Variants in PDPK1 observed in about 807,000 individuals in gnomAD.
PDPK1 encodes 3-phosphoinositide-dependent protein kinase 1.
A neutral mutation model predicts 39.8 loss-of-function variants in PDPK1; 7 were observed. That is an observed-to-expected ratio of 0.18 (90% CI 0.10 to 0.33). PDPK1 has a LOEUF of 0.33. Among genes scored for constraint, PDPK1 ranks in the 10% least tolerant of loss-of-function variants. The pLI is 1.00. For synonymous variants in PDPK1, 118 were observed against 159.1 expected (o/e 0.74, Z 1.95); for missense variants, 182 against 384.7 (o/e 0.47, Z 4.41).
chr16:2,593,302 C>T lies in PDPK1; in HGVS notation c.1344-2491C>T, dbSNP rs956186349. On this transcript the variant is annotated intron_variant, in intron 11 of 13. Transcript: ENST00000342085. This position sits in a 1 kb window ranked among gnomAD's most constrained non-coding sequence, Gnocchi z 4.2. The stretch of plus-strand genomic sequence containing the variant: ...GTTTTCTGTTGGGTTCCAAGCCTCT[C>T]GTGGCACTGTGAATTTGCTGTGGGG... The T allele has an allele frequency of 4.6e-5, 16 of 351,562 alleles. No homozygotes were observed. Among genetic ancestry groups the T allele is most frequent in the South Asian group, 1.1e-4 (5 of 45,984 alleles). 21.8% of individuals were successfully genotyped at this position (351,562 alleles called of 1,614,324 possible). A position where few individuals can be genotyped will look rare whatever the true frequency, so the allele number is the denominator to read the frequency against.
chr16:2,601,110 A>T lies in PDPK1; in HGVS notation c.*3343A>T, dbSNP rs1001413615. ...TATCTTTAAAATCTTCTGATTTCTT[A>T]CTTTTTTCCCCCTTAGATGCCTGGA... On this transcript the variant is annotated 3_prime_UTR_variant, in exon 14 of 14. Transcript: ENST00000342085. The T allele has an allele frequency of 3.4e-5, 8 of 232,734 alleles. No homozygotes were observed. The highest frequency in any genetic ancestry group is 4.2e-5 in the Non-Finnish European group (5 of 117,934). 14.4% of individuals were successfully genotyped at this position (232,734 alleles called of 1,614,324 possible). A position where few individuals can be genotyped will look rare whatever the true frequency, so the allele number is the denominator to read the frequency against.
At position 2,593,677 on chromosome 16, in the gene PDPK1, T is replaced by C. The variant is rs891510059; in HGVS notation, c.1344-2116T>C. The C allele has an allele frequency of 6.5e-6, 1 of 154,376 alleles. No homozygotes were observed. The highest frequency in any genetic ancestry group is 1.4e-5 in the Non-Finnish European group (1 of 69,642). The allele number at this position is 154,376 out of a possible 1,614,324, so 9.6% of individuals were successfully genotyped here. A position where few individuals can be genotyped will look rare whatever the true frequency, so the allele number is the denominator to read the frequency against. ...TGCAAGAGCTCTGACTGGCCTGGGC[T>C]CAAAGGGACCCTGTGCCTCCCACGC... On this transcript the variant is annotated intron_variant, in intron 11 of 13. Coordinates refer to ENST00000342085, the MANE Select transcript of PDPK1 (RefSeq NM_002613.5). The surrounding 1 kb of genome is among the most constrained non-coding windows in gnomAD (Gnocchi z 4.2).
At position 2,601,577 on chromosome 16, in the gene PDPK1, T is replaced by G; in HGVS notation, c.*3810T>G. 4.3e-6 allele frequency: 1 copy of G among 234,404 alleles called. No individual in the cohort carries two copies. Among genetic ancestry groups the G allele is most frequent in the Non-Finnish European group, 8.5e-6 (1 of 117,812 alleles). The allele number at this position is 234,404 out of a possible 1,614,324, so 14.5% of individuals were successfully genotyped here. ...CACATGCTTAGTGAGTGATTTGTAATTAAGTTTATAGACTCAGAAGGTATA... is the reference window on the plus strand; with the variant it reads ...CACATGCTTAGTGAGTGATTTGTAAGTAAGTTTATAGACTCAGAAGGTATA... On this transcript the variant is annotated 3_prime_UTR_variant, in exon 14 of 14. Transcript: ENST00000342085.
rs146388630 is a variant in PDPK1 at position 2,557,960 on chromosome 16, C to T, written c.282C>T (p.Ser94=). The T allele has an allele frequency of 1.2e-6, 2 of 1,612,442 alleles. No individual in the cohort carries two copies. The highest frequency in any genetic ancestry group is 2.7e-5 in the African/African-American group (2 of 74,740). The change falls in exon 2 of 14, where the codon TCC becomes TCT. Residue 94 remains serine (S), a synonymous_variant. Transcript: ENST00000342085. ...FGKILGEGSF[S]TVVLARELAT... The stretch of plus-strand genomic sequence containing the variant: ...AAATCCTTGGGGAAGGCTCTTTTTC[C>T]ACGGTGAGTATTTGCTGCTGCTGTG...
intron 11 of PDPK1, among the ~76,000 whole-genome samples, chr16:2,589,251 A>C (rs1328731834): frequency 6.6e-6 from 1 of 152,158 alleles, no homozygotes; most frequent in Non-Finnish European, 1.5e-5. Context: ...CCACCGCGCC[A>C]GCCAATGTAT....
At position 2,538,099 on chromosome 16, in the gene PDPK1, C is replaced by G; in HGVS notation, c.-14C>G. On this transcript the variant is annotated 5_prime_UTR_variant, in exon 1 of 14. Coordinates refer to ENST00000342085, the MANE Select transcript of PDPK1 (RefSeq NM_002613.5). ...CAGCGCTGCGGGGGAGGCGCCCGCG[C>G]CGACGCGGGGCCCATGGCCAGGACC... 1 of 1,059,046 alleles carries G rather than the reference C, an allele frequency of 9.4e-7. No homozygotes were observed. The highest frequency in any genetic ancestry group is 1.1e-6 in the Non-Finnish European group (1 of 876,022). 65.6% of individuals were successfully genotyped at this position (1,059,046 alleles called of 1,614,324 possible).
intron 1 of PDPK1, among the ~76,000 whole-genome samples, chr16:2,552,282 T>C (rs2141952291): frequency 6.7e-6 from 1 of 150,362 alleles, no homozygotes. Context: ...TGGTTTCTAC[T>C]TCTAAGAGAT....
At position 2,599,040 on chromosome 16, in the gene PDPK1, G is replaced by A. The variant is rs141692563; in HGVS notation, c.*1273G>A. The A allele has an allele frequency of 1.0e-3, 235 of 233,432 alleles. No homozygotes were observed. The highest frequency in any genetic ancestry group is 4.0e-3 in the African/African-American group (181 of 45,462). 14.5% of individuals were successfully genotyped at this position (233,432 alleles called of 1,614,324 possible). On this transcript the variant is annotated 3_prime_UTR_variant, in exon 14 of 14. Coordinates refer to ENST00000342085, the MANE Select transcript of PDPK1 (RefSeq NM_002613.5). Reference sequence around the variant, plus strand: ...GGTCGGCTTTCCTCTAGAGAGAGCCGGTTTTGGGGCCATTTCCCTTTGATG... The same window carrying A: ...GGTCGGCTTTCCTCTAGAGAGAGCCAGTTTTGGGGCCATTTCCCTTTGATG...
rs571703734 is a variant in PDPK1 at position 2,595,920 on chromosome 16, G to T, written c.1401+70G>T. On this transcript the variant is annotated intron_variant, in intron 12 of 13. Coordinates refer to ENST00000342085, the MANE Select transcript of PDPK1 (RefSeq NM_002613.5). ...TTCCCCGACTCCAGCTTAGGGGAGGGCAGCTTGGTGGCGTGGAATCCTTCC... is the reference window on the plus strand; with the variant it reads ...TTCCCCGACTCCAGCTTAGGGGAGGTCAGCTTGGTGGCGTGGAATCCTTCC... The T allele has an allele frequency of 2.6e-6, 3 of 1,135,750 alleles. No individual in the cohort carries two copies. The East Asian group carries it at 7.0e-5, about 27-fold the overall frequency. 70.4% of individuals were successfully genotyped at this position (1,135,750 alleles called of 1,614,324 possible).
chr16:2,573,753 A>G lies in PDPK1; in HGVS notation c.710-3672A>G, dbSNP rs375313121. Among the ~76,000 whole-genome samples the G allele has an allele frequency of 2.1e-4, 29 of 138,796 alleles. No homozygotes were observed. The East Asian group carries it at 4.5e-3, about 21-fold the overall frequency. The allele number at this position is 138,796 out of a possible 152,430, so 91.1% of individuals were successfully genotyped here. On this transcript the variant is annotated intron_variant, in intron 6 of 13. Transcript: ENST00000342085. ...TCTCGGGAAGAAAAAAAAAAAAAATAGAATTGTGAATTTTCTTCCCTTTTT... is the reference window on the plus strand; with the variant it reads ...TCTCGGGAAGAAAAAAAAAAAAAATGGAATTGTGAATTTTCTTCCCTTTTT...
At position 2,597,764 on chromosome 16, in the gene PDPK1, G is replaced by T. The variant is rs770386112; in HGVS notation, c.1668G>T (p.Gln556His). Reference protein sequence around the residue: ...RYQSHPDAAVQ With the variant: ...RYQSHPDAAVH Reference sequence around the variant, plus strand: ...AGAGCCACCCGGACGCCGCTGTGCAGTGACGTGGCCTGCGGCCGGGCTGCC... The same window carrying T: ...AGAGCCACCCGGACGCCGCTGTGCATTGACGTGGCCTGCGGCCGGGCTGCC... Residue 556 changes from glutamine (Q) to histidine (H), a missense_variant, in exon 14 of 14, where the codon CAG becomes CAT. This residue lies in a region of PDPK1 where 67 missense variants were observed against 87.8 expected (regional missense o/e 0.76). Transcript: ENST00000342085. The surrounding 1 kb of genome is among the most constrained non-coding windows in gnomAD (Gnocchi z 6.3). 6.2e-7 allele frequency: 1 copy of T among 1,607,998 alleles called. No homozygotes were observed. Among genetic ancestry groups the T allele is most frequent in the East Asian group, 2.2e-5 (1 of 44,854 alleles).
In PDPK1 at chr16:2,593,159, A is replaced by AT. The variant is rs1201899386; in HGVS notation, c.1344-2633dup. ...ACTCCTGCACGCCCGTGCCTGTGGC[A>AT]TGCCCAGATGATCAGGGTGGAGCGG... On this transcript the variant is annotated intron_variant, in intron 11 of 13. Coordinates refer to ENST00000342085, the MANE Select transcript of PDPK1 (RefSeq NM_002613.5). This position sits in a 1 kb window ranked among gnomAD's most constrained non-coding sequence, Gnocchi z 4.2. 2.2e-6 allele frequency: 1 copy of AT among 453,006 alleles called. No individual in the cohort carries two copies. Among genetic ancestry groups the AT allele is most frequent in the Non-Finnish European group, 4.4e-6 (1 of 226,220 alleles). 28.1% of individuals were successfully genotyped at this position (453,006 alleles called of 1,614,324 possible). A position where few individuals can be genotyped will look rare whatever the true frequency, so the allele number is the denominator to read the frequency against.
chr16:2,586,521 C>G (rs1164279084), intron 10 of PDPK1, among the ~76,000 whole-genome samples, 155 bp from the exon 11 acceptor site: 4 of 152,264 alleles, frequency 2.6e-5, no homozygotes, highest in African/African-American at 9.6e-5. Context: ...GCCAGGTGTC[C>G]CATGGAGGAG....
chr16:2,539,997 T>C (rs555434743), intron 1 of PDPK1, among the ~76,000 whole-genome samples: 5 of 152,342 alleles, frequency 3.3e-5, no homozygotes, highest in East Asian at 1.9e-4. Flanking sequence ...GATTTCCACA[T>C]GAGGAAGTGT....
At position 2,597,620 on chromosome 16, in the gene PDPK1, G is replaced by T. The variant is rs1488681215; in HGVS notation, c.1555-31G>T. On this transcript the variant is annotated intron_variant, in intron 13 of 13. Coordinates refer to ENST00000342085, the MANE Select transcript of PDPK1 (RefSeq NM_002613.5). This position sits in a 1 kb window ranked among gnomAD's most constrained non-coding sequence, Gnocchi z 6.3. ...GGTGGGGGTTTTGGTGGGACTCCCT[G>T]GAGAACACTAAACGGCTTCTGTCTT... is the stretch of plus-strand genomic sequence containing the variant. 7 of 1,510,896 alleles carry T rather than the reference G, an allele frequency of 4.6e-6. No individual in the cohort carries two copies. The highest frequency in any genetic ancestry group is 6.4e-6 in the Non-Finnish European group (7 of 1,086,054). The allele number at this position is 1,510,896 out of a possible 1,614,324, so 93.6% of individuals were successfully genotyped here. A position where few individuals can be genotyped will look rare whatever the true frequency, so the allele number is the denominator to read the frequency against.
chr16:2,595,489 C>T (rs537912416), intron 11 of PDPK1, among the ~76,000 whole-genome samples: 5 of 152,340 alleles, frequency 3.3e-5, no homozygotes, highest in South Asian at 2.1e-4. Flanking sequence ...GTCACCTGCC[C>T]GTTTCTACAG....
chr16:2,593,712 C>A lies in PDPK1; in HGVS notation c.1344-2081C>A, dbSNP rs1237965048. 6.5e-6 allele frequency: 1 copy of A among 153,730 alleles called. No individual in the cohort carries two copies. The highest frequency in any genetic ancestry group is 1.4e-5 in the Non-Finnish European group (1 of 69,124). The allele number at this position is 153,730 out of a possible 1,614,324, so 9.5% of individuals were successfully genotyped here. A position where few individuals can be genotyped will look rare whatever the true frequency, so the allele number is the denominator to read the frequency against. On this transcript the variant is annotated intron_variant, in intron 11 of 13. Transcript: ENST00000342085. The surrounding 1 kb of genome is among the most constrained non-coding windows in gnomAD (Gnocchi z 4.2). ...CCTGTGCCTCCCACGCTGCCTGCCC[C>A]GGTGTAATTTATGATGAATTTTCCT... is the stretch of plus-strand genomic sequence containing the variant.
chr16:2,586,719 C>T lies in PDPK1; in HGVS notation c.1169C>T (p.Ser390Leu), dbSNP rs779064858. The change falls in exon 11 of 14, where the codon TCG becomes TTG. Residue 390 changes from serine (S) to leucine (L), a missense_variant. By Grantham distance (145) the Ser-to-Leu change is moderately radical. Coordinates refer to ENST00000342085, the MANE Select transcript of PDPK1 (RefSeq NM_002613.5). The part of the protein sequence containing the change: ...LSQFGCMQVS[S>L]SSSSHSLSAS... ...CAGTTTGGCTGCATGCAGGTGTCTT[C>T]GTCCTCCTCCTCACACTCCCTGTCA... The T allele has an allele frequency of 1.8e-5, 29 of 1,614,118 alleles. No homozygotes were observed. Among genetic ancestry groups the T allele is most frequent in the South Asian group, 2.2e-5 (2 of 91,086 alleles).
At chr16:2,539,760 TG>T (rs1252938346) in intron 1 of PDPK1, among the ~76,000 whole-genome samples, 1 of 152,176 alleles carries the variant, frequency 6.6e-6, no homozygotes, top group Middle Eastern at 3.2e-3. Flanking sequence ...CTGCACCCAG[TG>T]ACAGTCATGG....
Sources: gnomAD v4.1 joint callset for allele counts (sites outside exome capture counted in the v4.1 genomes callset) on GRCh38, gnomAD v4.1.1 for gene constraint, gnomAD v4.1.1 regional missense constraint, Gnocchi (gnomAD v3.1) non-coding constraint, MANE v1.5 for transcripts, NCBI Gene and HGNC (gene_info 2026-07-23, HGNC 2026-07-21) for gene names.